NFIB: variants seen among roughly 807,000 people sequenced by gnomAD.
The protein encoded by NFIB is nuclear factor I B.
A neutral mutation model predicts 61.5 loss-of-function variants in NFIB; 11 were observed. The ratio of observed to expected loss-of-function variants is 0.18; its 90% CI spans 0.11 to 0.30. The LOEUF is 0.30. Ranked by LOEUF, NFIB falls within the 10% of genes least tolerant of loss-of-function variation. The pLI is 1.00. For missense variants in NFIB, 471 were observed against 608.9 expected (o/e 0.77, Z 2.38); for synonymous variants, 260 against 216.5 (o/e 1.20, Z -1.76).
At chr9:14,387,899 C>T (rs2133021464) in intron 1 of NFIB, among the ~76,000 whole-genome samples, 1 of 152,282 alleles carries the variant, frequency 6.6e-6, no homozygotes. Context: ...GGAGGCTGCT[C>T]ATAGCAGGAG....
Position 14,313,628 on chromosome 9 carries a change from G to C in NFIB, c.-117C>G. The C allele has an allele frequency of 1.3e-6, 2 of 1,581,104 alleles. No individual in the cohort carries two copies. The highest frequency in any genetic ancestry group is 2.3e-5 in the South Asian group (2 of 87,156). On this transcript the variant is annotated 5_prime_UTR_variant, in exon 1 of 11. Transcript: ENST00000380953. The surrounding 1 kb of genome is among the most constrained non-coding windows in gnomAD (Gnocchi z 4.5). ...CCCGCGATGCGATCAATCAGGACGGGGCTCTGCGCTGGATCACCGCAACTT... is the reference window on the plus strand; with the variant it reads ...CCCGCGATGCGATCAATCAGGACGGCGCTCTGCGCTGGATCACCGCAACTT...
In NFIB at chr9:14,082,489, T is replaced by C; in HGVS notation, c.*5820A>G. 1 of 205,248 alleles carries C rather than the reference T, an allele frequency of 4.9e-6. No homozygotes were observed. The highest frequency in any genetic ancestry group is 1.0e-5 in the Non-Finnish European group (1 of 99,990). 12.7% of individuals were successfully genotyped at this position (205,248 alleles called of 1,614,324 possible). The stretch of plus-strand genomic sequence containing the variant: ...ACAGCTTGATGAAGACATAATCTAC[T>C]GCAGCTTTGAGAAACCTATGCCTGG... On this transcript the variant is annotated 3_prime_UTR_variant, in exon 11 of 11. Coordinates refer to ENST00000380953, the MANE Select transcript of NFIB (RefSeq NM_001190737.2).
intron 2 of NFIB, among the ~76,000 whole-genome samples, chr9:14,245,249 A>ACAT (rs1018652743): frequency 7.9e-5 from 12 of 152,326 alleles, no homozygotes; most frequent in African/African-American, 2.9e-4. Flanking sequence ...GAAATTAGAA[A>ACAT]CATCACAGTC....
At chr9:14,303,796 A>G (rs2059880314) in intron 2 of NFIB, among the ~76,000 whole-genome samples, 1 of 152,208 alleles carries the variant, frequency 6.6e-6, no homozygotes, top group South Asian at 2.1e-4. Context: ...CACAAACAAA[A>G]TGGCGGTTCT....
At chr9:14,303,977 A>T (rs985982940) in intron 2 of NFIB, among the ~76,000 whole-genome samples, 1 of 152,246 alleles carries the variant, frequency 6.6e-6, no homozygotes, top group African/African-American at 2.4e-5. Context: ...AATATAAGGA[A>T]ATAGCAAAAT....
intron 9 of NFIB, among the ~76,000 whole-genome samples, chr9:14,115,801 G>A (rs1464682957): frequency 6.6e-6 from 1 of 152,164 alleles, no homozygotes; most frequent in African/African-American, 2.4e-5. Flanking sequence ...TTGTGAAGGG[G>A]CTTGATTTCT....
At position 14,244,685 on chromosome 9, in the gene NFIB, T is replaced by C. The variant is rs79785714; in HGVS notation, c.562+62304A>G. ...AATTACTGACCTCTCTGAATTTGAA[T>C]TTGTATATCTATTTAAACAAAGATA... is the stretch of plus-strand genomic sequence containing the variant. On this transcript the variant is annotated intron_variant, in intron 2 of 10. Coordinates refer to ENST00000380953, the MANE Select transcript of NFIB (RefSeq NM_001190737.2). Among the ~76,000 whole-genome samples the C allele has an allele frequency of 9.4e-3, 1,437 of 152,296 alleles. 31 individuals are homozygous for C. The highest frequency in any genetic ancestry group is 0.032 in the African/African-American group (1,337 of 41,558).
At chr9:14,339,023 G>A (rs2060918352) in intron 1 of NFIB, among the ~76,000 whole-genome samples, 1 of 152,138 alleles carries the variant, frequency 6.6e-6, no homozygotes, top group African/African-American at 2.4e-5. Flanking sequence ...ATGAGCCTGG[G>A]AAAAGAGGAC....
chr9:14,375,659 C>CA lies in NFIB; in HGVS notation c.108+22864dup, dbSNP rs527864761. Among the ~76,000 whole-genome samples the CA allele has an allele frequency of 3.0e-3, 429 of 140,830 alleles. 2 individuals carry two copies. Among genetic ancestry groups the CA allele is most frequent in the African/African-American group, 7.2e-3 (274 of 38,308 alleles). 92.4% of individuals were successfully genotyped at this position (140,830 alleles called of 152,430 possible). A position where few individuals can be genotyped will look rare whatever the true frequency, so the allele number is the denominator to read the frequency against. On this transcript the variant is annotated intron_variant, in intron 1 of 8. Coordinates refer to the NFIB transcript ENST00000380934. ...GGCAAAAAGAGCAAAAACTCCATCT[C>CA]AAAAAAAAAAAAGAAAAACCTGGGA...
chr9:14,365,735 C>A (rs1289516968), intron 1 of NFIB, among the ~76,000 whole-genome samples: 1 of 152,150 alleles, frequency 6.6e-6, no homozygotes, highest in East Asian at 1.9e-4. Flanking sequence ...CTTAGGAAAG[C>A]TTGTCCTAGT....
intron 2 of NFIB, among the ~76,000 whole-genome samples, chr9:14,290,899 T>A (rs1219778650): frequency 6.6e-6 from 1 of 152,082 alleles, no homozygotes; most frequent in Admixed American, 6.5e-5. Context: ...TATAGTATGC[T>A]CTCATAACAT....
At chr9:14,157,817 T>C (rs1171805336) in intron 3 of NFIB, among the ~76,000 whole-genome samples, 2 of 152,130 alleles carry the variant, frequency 1.3e-5, no homozygotes, top group Non-Finnish European at 1.5e-5. Context: ...CTTTATTTTA[T>C]ATAGGGTAAA....
the NFIB span, among the ~76,000 whole-genome samples, chr9:14,486,402 C>A: frequency 6.6e-6 from 1 of 152,074 alleles, no homozygotes; most frequent in African/African-American, 2.4e-5. Context: ...TCAAGGAAAT[C>A]AAGGCAAGAG....
At chr9:14,099,092 G>C (rs1462129181) in intron 10 of NFIB, among the ~76,000 whole-genome samples, 2 of 152,038 alleles carry the variant, frequency 1.3e-5, no homozygotes, top group Non-Finnish European at 2.9e-5. Flanking sequence ...CAGAAAAGAG[G>C]GTGACCATGG....
intron 2 of NFIB, among the ~76,000 whole-genome samples, chr9:14,264,095 T>C (rs187592100): frequency 6.6e-6 from 1 of 152,294 alleles, no homozygotes; most frequent in Non-Finnish European, 1.5e-5. Flanking sequence ...TTCAAAGGTT[T>C]TGCCTCTAGC....
the NFIB span, among the ~76,000 whole-genome samples, chr9:14,456,632 A>G: frequency 6.6e-6 from 1 of 152,206 alleles, no homozygotes; most frequent in Non-Finnish European, 1.5e-5. Flanking sequence ...TTTAATTTGA[A>G]AATTCAAATT....
At chr9:14,510,311 C>T in the NFIB span, among the ~76,000 whole-genome samples, 1 of 152,150 alleles carries the variant, frequency 6.6e-6, no homozygotes, top group Non-Finnish European at 1.5e-5. Flanking sequence ...GGCAGATGAA[C>T]ATGGGCTGGG....
At chr9:14,182,299 G>T (rs2046869051) in intron 2 of NFIB, among the ~76,000 whole-genome samples, 2 of 152,142 alleles carry the variant, frequency 1.3e-5, no homozygotes. Flanking sequence ...GGCACACAAT[G>T]ACAGACTCCT....
At chr9:14,296,661 G>A (rs1357801784) in intron 2 of NFIB, among the ~76,000 whole-genome samples, 1 of 152,222 alleles carries the variant, frequency 6.6e-6, no homozygotes, top group Non-Finnish European at 1.5e-5. Context: ...CCGGAAGAGA[G>A]CCCTCGCTGG....
Sources: allele counts gnomAD v4.1 joint callset (sites outside exome capture counted in the v4.1 genomes callset), GRCh38; gene constraint gnomAD v4.1.1; non-coding constraint Gnocchi (gnomAD v3.1); transcripts MANE v1.5; gene names NCBI Gene and HGNC (gene_info 2026-07-23, HGNC 2026-07-21).